The following DACH2 variants were observed in gnomAD, a reference collection of about 807,000 sequenced individuals.
DACH2 encodes dachshund homolog 2.
A neutral mutation model predicts 35.8 loss-of-function variants in DACH2; 17 were observed. The ratio of observed to expected loss-of-function variants is 0.48; its 90% CI spans 0.33 to 0.71. DACH2 has a LOEUF of 0.71. Ranked by LOEUF, DACH2 falls within the 30% of genes least tolerant of loss-of-function variation. The probability of loss-of-function intolerance (pLI) is 0.02; values close to 1 mark genes in which losing one functional copy is unlikely to be tolerated. For missense variants in DACH2, 469 were observed against 472.7 expected, an observed-to-expected ratio of 0.99 and a Z score of 0.07; for synonymous variants, 195 against 177.3, an observed-to-expected ratio of 1.10 and a Z score of -0.79.
At chrX:86,642,950 G>T (rs540625851) in intron 3 of DACH2, among the ~76,000 whole-genome samples, 5 of 111,105 alleles carry the variant, frequency 4.5e-5, no homozygotes, top group African/African-American at 1.6e-4. Flanking sequence ...GGGACACATA[G>T]AAGGCAGTGT....
chrX:86,580,491 C>CA (rs1387119950), intron 3 of DACH2, among the ~76,000 whole-genome samples: 3 of 111,138 alleles, frequency 2.7e-5, no homozygotes, highest in African/African-American at 9.8e-5. Context: ...TAAATAATAA[C>CA]AAAAAATAAC....
rs2037626246 is a variant in DACH2 at position 86,464,261 on chromosome X, G to A, written c.528-50018G>A. ...CACTATTCACAATAGCAAAGACTTG[G>A]AACCAACCCAAATGCCCATCAATTA... On this transcript the variant is annotated intron_variant, in intron 2 of 11. Transcript: ENST00000373125. 2.7e-5 allele frequency among the ~76,000 whole-genome samples: 3 copies of A among 111,280 alleles called. No homozygotes were observed. The South Asian group carries it at 1.1e-3, about 42-fold the overall frequency.
intron 3 of DACH2, among the ~76,000 whole-genome samples, chrX:86,641,537 G>A (rs1319885533): frequency 8.9e-6 from 1 of 112,188 alleles, no homozygotes; most frequent in East Asian, 2.8e-4. Context: ...TATTTCAGAA[G>A]ATTGTTCATG....
chrX:86,229,031 C>A (rs1479951924), intron 1 of DACH2, among the ~76,000 whole-genome samples: 1 of 111,529 alleles, frequency 9.0e-6, no homozygotes, highest in African/African-American at 3.3e-5. Context: ...TGGTCATGAA[C>A]TCCTTGCCTA....
At chrX:86,821,087 T>C (rs1163883519) in intron 11 of DACH2, among the ~76,000 whole-genome samples, 1 of 111,113 alleles carries the variant, frequency 9.0e-6, no homozygotes, top group African/African-American at 3.3e-5. Context: ...TTATAGACTT[T>C]TCTAATTTCC....
intron 2 of DACH2, among the ~76,000 whole-genome samples, chrX:86,512,337 A>T: frequency 9.0e-6 from 1 of 111,140 alleles, no homozygotes; most frequent in Non-Finnish European, 1.9e-5. Context: ...TTAAGGTAGA[A>T]CTACTGGACT....
chrX:86,384,112 A>G (rs772484478), intron 2 of DACH2, among the ~76,000 whole-genome samples: 1 of 110,685 alleles, frequency 9.0e-6, no homozygotes, highest in East Asian at 2.9e-4. Context: ...AATATCTATA[A>G]ATCTATACAC....
intron 3 of DACH2, among the ~76,000 whole-genome samples, chrX:86,622,901 G>GA (rs952331080): frequency 3.6e-5 from 4 of 109,719 alleles, no homozygotes; most frequent in Non-Finnish European, 3.8e-5. Context: ...GAATTAAAAA[G>GA]AAAAAAAACT....
chrX:86,454,197 C>T (rs999907854), intron 2 of DACH2, among the ~76,000 whole-genome samples: 2 of 111,468 alleles, frequency 1.8e-5, no homozygotes, highest in Non-Finnish European at 1.9e-5. Flanking sequence ...TTCTCCCTGG[C>T]TGTCATTAAC....
intron 4 of DACH2, among the ~76,000 whole-genome samples, chrX:86,669,203 A>C (rs1444723964): frequency 2.7e-5 from 3 of 110,491 alleles, no homozygotes; most frequent in Non-Finnish European, 5.7e-5. Flanking sequence ...ATATGCATTA[A>C]GAATAGGTTT....
chrX:86,792,068 G>A (rs900105237), intron 7 of DACH2, among the ~76,000 whole-genome samples: 6 of 111,617 alleles, frequency 5.4e-5, no homozygotes, highest in African/African-American at 1.9e-4. Context: ...TTCTTCAAAA[G>A]GGTGGACATC....
intron 1 of DACH2, among the ~76,000 whole-genome samples, chrX:86,151,091 TTTCTC>T (rs2030347463): frequency 8.9e-6 from 1 of 111,779 alleles, no homozygotes; most frequent in South Asian, 3.7e-4. Flanking sequence ...TTTTGATACT[TTTCTC>T]TATAAATGGA....
chrX:86,265,131 A>G lies in DACH2; in HGVS notation c.489-111693A>G, dbSNP rs182145641. 8.5e-3 allele frequency among the ~76,000 whole-genome samples: 948 copies of G among 111,740 alleles called. 14 individuals carry two copies. The highest frequency in any genetic ancestry group is 0.028 in the African/African-American group (866 of 30,794). On this transcript the variant is annotated intron_variant, in intron 1 of 11. Coordinates refer to ENST00000373125, the MANE Select transcript of DACH2 (RefSeq NM_053281.3). ...TCAGTGCATACTATGAAGAGTGGATATGGCAGTTCCTTGTACTTCTATGGT... is the reference window on the plus strand; with the variant it reads ...TCAGTGCATACTATGAAGAGTGGATGTGGCAGTTCCTTGTACTTCTATGGT...
intron 3 of DACH2, among the ~76,000 whole-genome samples, chrX:86,546,405 C>CTTCTTCTTCTTCCTTCTTCTTCTTCT (rs2038967552): frequency 8.7e-5 from 1 of 11,545 alleles, no homozygotes; most frequent in Non-Finnish European, 1.5e-4. Context: ...CTTCTTCTTC[C>CTTCTTCTTCTTCCTTCTTCTTCTTCT]TTCTTCTTCT....
chrX:86,553,305 C>T (rs746372021), intron 3 of DACH2, among the ~76,000 whole-genome samples: 11 of 111,336 alleles, frequency 9.9e-5, no homozygotes, highest in African/African-American at 2.9e-4. Flanking sequence ...AGATGAAGGC[C>T]GGAAGACTCA....
chrX:86,173,453 T>C (rs762698272), intron 1 of DACH2, among the ~76,000 whole-genome samples: 2 of 111,791 alleles, frequency 1.8e-5, no homozygotes, highest in Admixed American at 1.9e-4. Context: ...ATGGGCATTG[T>C]AGGCTTCATT....
chrX:86,330,045 T>C (rs929634604), intron 1 of DACH2, among the ~76,000 whole-genome samples: 8 of 111,738 alleles, frequency 7.2e-5, no homozygotes, highest in Admixed American at 3.8e-4. Context: ...AGCAACAAAA[T>C]TGGAACTTTT....
chrX:86,768,933 G>A (rs1406479074), intron 7 of DACH2, among the ~76,000 whole-genome samples: 2 of 110,841 alleles, frequency 1.8e-5, no homozygotes, highest in East Asian at 5.7e-4. Flanking sequence ...GTGTTAATTC[G>A]CTTAATCCAC....
At chrX:86,566,967 C>T (rs937183759) in intron 3 of DACH2, among the ~76,000 whole-genome samples, 1 of 111,896 alleles carries the variant, frequency 8.9e-6, no homozygotes, top group Non-Finnish European at 1.9e-5. Context: ...TTACACTTCT[C>T]TTACATATGT....
Sources: allele counts gnomAD v4.1 joint callset (sites outside exome capture counted in the v4.1 genomes callset), GRCh38; gene constraint gnomAD v4.1.1; transcripts MANE v1.5; gene names NCBI Gene and HGNC (gene_info 2026-07-23, HGNC 2026-07-21).